Variants in FSIP1 observed in about 807,000 individuals in gnomAD.
FSIP1 encodes fibrous sheath interacting protein 1, also known as fibrous sheath-interacting protein 1.
A neutral mutation model predicts 60.9 loss-of-function variants in FSIP1; 65 were observed. The ratio of observed to expected loss-of-function variants is 1.07; its 90% CI spans 0.87 to 1.31. FSIP1 has a LOEUF of 1.31. FSIP1 is among the 40% of genes most tolerant of loss of function. The probability of loss-of-function intolerance (pLI) is 0.00; values close to 1 mark genes in which losing one functional copy is unlikely to be tolerated. For missense variants in FSIP1, 675 were observed against 665.5 expected, an observed-to-expected ratio of 1.01 and a Z score of -0.16; for synonymous variants, 209 against 221.2, an observed-to-expected ratio of 0.94 and a Z score of 0.49.
chr15:39,629,954 C>G (rs1195188094), intron 10 of FSIP1, among the ~76,000 whole-genome samples: 1 of 152,216 alleles, frequency 6.6e-6, no homozygotes, highest in Non-Finnish European at 1.5e-5. Context: ...TAGTGCCATA[C>G]AGTTAACTCC....
At chr15:39,692,388 C>A (rs1894638214) in intron 10 of FSIP1, among the ~76,000 whole-genome samples, 1 of 152,160 alleles carries the variant, frequency 6.6e-6, no homozygotes, top group Admixed American at 6.5e-5. Context: ...CCCAAAAGGA[C>A]CTAAACATTA....
intron 8 of FSIP1, among the ~76,000 whole-genome samples, chr15:39,728,617 C>T (rs1382567848): frequency 6.6e-6 from 1 of 152,130 alleles, no homozygotes; most frequent in African/African-American, 2.4e-5. Flanking sequence ...TTCTTCCTTA[C>T]ACCATATACA....
chr15:39,749,899 T>C (rs1022377116), intron 5 of FSIP1, among the ~76,000 whole-genome samples: 1 of 151,998 alleles, frequency 6.6e-6, no homozygotes, highest in Non-Finnish European at 1.5e-5. Context: ...CATGATTTTG[T>C]ATGTAGAAAA....
intron 11 of FSIP1, among the ~76,000 whole-genome samples, chr15:39,601,231 C>G (rs1359957394): frequency 6.6e-6 from 1 of 152,112 alleles, no homozygotes; most frequent in Non-Finnish European, 1.5e-5. Flanking sequence ...TACTAAGTTT[C>G]TGGGAAGTAC....
intron 10 of FSIP1, among the ~76,000 whole-genome samples, chr15:39,688,761 T>C (rs1038827778): frequency 3.3e-5 from 5 of 152,222 alleles, no homozygotes; most frequent in Non-Finnish European, 7.3e-5. Flanking sequence ...CCCTGCTTCA[T>C]GTGGCTCTGA....
At chr15:39,711,850 A>G (rs890439887) in intron 10 of FSIP1, among the ~76,000 whole-genome samples, 2 of 151,648 alleles carry the variant, frequency 1.3e-5, no homozygotes, top group African/African-American at 4.8e-5. Flanking sequence ...AAGCCCGGCT[A>G]ATTTTTTTTG....
At chr15:39,687,117 T>G in intron 10 of FSIP1, among the ~76,000 whole-genome samples, 1 of 150,330 alleles carries the variant, frequency 6.7e-6, no homozygotes, top group Non-Finnish European at 1.5e-5. Flanking sequence ...CTTTCACCTT[T>G]CTTTCTTTCT....
intron 3 of FSIP1, 41 bp from the exon 4 acceptor site, chr15:39,765,787 A>G (rs778401959): frequency 8.8e-7 from 1 of 1,141,940 alleles, no homozygotes; most frequent in East Asian, 2.5e-5. Context: ...GAAGTATAGT[A>G]AAACTATAAA....
intron 11 of FSIP1, among the ~76,000 whole-genome samples, chr15:39,602,989 T>C (rs917748048): frequency 1.3e-5 from 2 of 152,170 alleles, no homozygotes; most frequent in African/African-American, 2.4e-5. Flanking sequence ...AGAACATTTT[T>C]TGCAATGTCT....
In FSIP1 at chr15:39,687,136, C is replaced by CTTTTTTTTTTTTTTTTTT. The variant is rs1491090328; in HGVS notation, c.1188+26307_1188+26308insAAAAAAAAAAAAAAAAAA. Among the ~76,000 whole-genome samples the CTTTTTTTTTTTTTTTTTT allele has an allele frequency of 3.5e-3, 168 of 47,704 alleles. 37 individuals are homozygous for CTTTTTTTTTTTTTTTTTT. The highest frequency in any genetic ancestry group is 8.0e-3 in the South Asian group (9 of 1,124). 31.3% of individuals were successfully genotyped at this position (47,704 alleles called of 152,430 possible). ...CACCTTTCTTTCTTTCTTTTCTTTT[C>CTTTTTTTTTTTTTTTTTT]CTTTTTTTTTTTTTTTTTTTTTTTT... On this transcript the variant is annotated intron_variant, in intron 10 of 11. Coordinates refer to ENST00000350221, the MANE Select transcript of FSIP1 (RefSeq NM_152597.5).
At chr15:39,736,289 C>G (rs957159389) in intron 8 of FSIP1, among the ~76,000 whole-genome samples, 4 of 152,196 alleles carry the variant, frequency 2.6e-5, no homozygotes, top group Non-Finnish European at 5.9e-5. Context: ...CAGCCCCAGG[C>G]ATAGCAACAC....
rs535315175 is a variant in FSIP1, at chr15:39,730,916, C to T, written c.892-4169G>A. 2.6e-5 allele frequency among the ~76,000 whole-genome samples: 4 copies of T among 152,262 alleles called. 1 individual carries two copies. In the South Asian group the frequency reaches 8.3e-4, roughly 32 times the overall value. Reference sequence around the variant, plus strand: ...GTTTATGGCTGCCTGGACATCTGCCCGGTGTACAAACCTGGTTCCCCAAAC... The same window carrying T: ...GTTTATGGCTGCCTGGACATCTGCCTGGTGTACAAACCTGGTTCCCCAAAC... On this transcript the variant is annotated intron_variant, in intron 8 of 11. Coordinates refer to ENST00000350221, the MANE Select transcript of FSIP1 (RefSeq NM_152597.5).
intron 10 of FSIP1, among the ~76,000 whole-genome samples, chr15:39,700,314 T>C (rs887178569): frequency 6.6e-6 from 1 of 152,212 alleles, no homozygotes. Context: ...GCTATAACTG[T>C]TCTCTATTTT....
chr15:39,769,050 C>T (rs889145716), intron 3 of FSIP1, among the ~76,000 whole-genome samples: 3 of 152,196 alleles, frequency 2.0e-5, no homozygotes, highest in Admixed American at 6.5e-5. Context: ...GAGGCCGAGG[C>T]GGGCAGATCA....
rs1047644852 is a variant in FSIP1 at position 39,741,670 on chromosome 15, G to C, written c.655+135C>G. ...ACTAGCTGCAACAATAACCAATCTT[G>C]TGTCATCTTGAACTCTACTTGCTTC... On this transcript the variant is annotated intron_variant, in intron 6 of 11. Coordinates refer to ENST00000350221, the MANE Select transcript of FSIP1 (RefSeq NM_152597.5). The C allele has an allele frequency of 5.7e-6, 3 of 527,732 alleles. No homozygotes were observed. In the East Asian group the frequency reaches 8.7e-5, roughly 15 times the overall value. 32.7% of individuals were successfully genotyped at this position (527,732 alleles called of 1,614,324 possible). A position where few individuals can be genotyped will look rare whatever the true frequency, so the allele number is the denominator to read the frequency against.
At chr15:39,764,498 T>A (rs1198534541) in intron 4 of FSIP1, among the ~76,000 whole-genome samples, 1 of 152,234 alleles carries the variant, frequency 6.6e-6, no homozygotes, top group Non-Finnish European at 1.5e-5. Flanking sequence ...TTCCCAGAAG[T>A]CAGTCAACTG....
intron 9 of FSIP1, among the ~76,000 whole-genome samples, chr15:39,726,057 G>T (rs905701967): frequency 1.2e-4 from 19 of 152,178 alleles, no homozygotes; most frequent in Non-Finnish European, 2.6e-4. Flanking sequence ...CTCCCAAAGT[G>T]CTGGGATTAT....
At chr15:39,599,705 C>G (rs963031343), downstream of FSIP1, among the ~76,000 whole-genome samples, 4 of 152,324 alleles carry the variant, frequency 2.6e-5, no homozygotes, top group Admixed American at 2.6e-4. Context: ...ATTCTTCCCA[C>G]CCAAACCCTA....
intron 10 of FSIP1, among the ~76,000 whole-genome samples, chr15:39,638,827 C>T (rs199846424): frequency 5.6e-5 from 8 of 143,510 alleles, no homozygotes; most frequent in Admixed American, 4.8e-4. Flanking sequence ...TGTGTGTGTG[C>T]GCGTGTGTGT....
Sources: gnomAD v4.1 joint callset for allele counts (sites outside exome capture counted in the v4.1 genomes callset) on GRCh38, gnomAD v4.1.1 for gene constraint, MANE v1.5 for transcripts, NCBI Gene and HGNC (gene_info 2026-07-23, HGNC 2026-07-21) for gene names.